Variants in PPFIA3 observed in about 807,000 individuals in gnomAD.
PPFIA3 encodes the protein liprin-alpha-3.
In PPFIA3, 26 loss-of-function variants were observed where a neutral mutation model predicts 145.8. The ratio of observed to expected loss-of-function variants is 0.18; its 90% CI spans 0.13 to 0.25. The LOEUF is 0.25. Among genes scored for constraint, PPFIA3 ranks in the 10% least tolerant of loss-of-function variants. The pLI, the probability that PPFIA3 is intolerant of heterozygous loss-of-function variation, is 1.00. For synonymous variants in PPFIA3, 645 were observed against 661.4 expected, an observed-to-expected ratio of 0.98 and a Z score of 0.38; for missense variants, 1,008 against 1,587.8, an observed-to-expected ratio of 0.63 and a Z score of 6.21.
chr19:49,136,509 A>C (rs1249558186), intron 14 of PPFIA3, among the ~76,000 whole-genome samples: 1 of 152,204 alleles, frequency 6.6e-6, no homozygotes, highest in Non-Finnish European at 1.5e-5. Flanking sequence ...GAATCGTTCG[A>C]ACCTGGGAGG....
chr19:49,137,628 CAAAAAAAAAAAA>C (rs3032695), intron 15 of PPFIA3, among the ~76,000 whole-genome samples: 17 of 43,784 alleles, frequency 3.9e-4, no homozygotes, highest in South Asian at 1.0e-3. Context: ...GACTCCGTGT[CAAAAAAAAAAAA>C]AAAAAAAAAA....
At position 49,130,418 on chromosome 19, in the gene PPFIA3, G is replaced by A. The variant is rs148514698; in HGVS notation, c.698G>A (p.Arg233Gln). The A allele has an allele frequency of 4.9e-5, 79 of 1,610,162 alleles. No individual in the cohort carries two copies. Among genetic ancestry groups the A allele is most frequent in the Non-Finnish European group, 6.5e-5 (77 of 1,178,594 alleles). Residue 233 changes from arginine to glutamine, a missense_variant, in exon 7 of 30, where the codon CGG (arginine) becomes CAG (glutamine). By Grantham distance (43) the Arg-to-Gln change is conservative (BLOSUM62 1). Around this residue, in one of 11 missense-constraint regions of PPFIA3, gnomAD observed 136 missense variants for 160.7 expected, o/e 0.85. Transcript: ENST00000334186. The surrounding 1 kb of genome is among the most constrained non-coding windows in gnomAD (Gnocchi z 4.5). ...NGLGPGGDSN[R>Q]RTAELEEALE... is the part of the protein sequence containing the mutation. ...CTGGGTCCTGGCGGGGATTCCAACCGGCGCACAGCAGAGCTGGAGGAGGCC... is the reference window on the plus strand; with the variant it reads ...CTGGGTCCTGGCGGGGATTCCAACCAGCGCACAGCAGAGCTGGAGGAGGCC...
intron 1 of PPFIA3, among the ~76,000 whole-genome samples, chr19:49,122,078 A>ATTTTT (rs4002359): frequency 2.3e-5 from 3 of 131,816 alleles, no homozygotes; most frequent in Non-Finnish European, 4.7e-5. Flanking sequence ...CCAGATGCCA[A>ATTTTT]TTTTTTTTTT....
rs756863571 is a variant in PPFIA3, at chr19:49,135,874, G to A, written c.1616G>A (p.Arg539Gln). 28 of 1,613,484 alleles carry A rather than the reference G, an allele frequency of 1.7e-5. No individual in the cohort carries two copies. The highest frequency in any genetic ancestry group is 4.5e-5 in the East Asian group (2 of 44,846). The change falls in exon 14 of 30, where the codon CGG (arginine) becomes CAG (glutamine). Residue 539 changes from arginine to glutamine, a missense_variant. By Grantham distance (43) the Arg-to-Gln change is conservative. This residue lies in a region of PPFIA3 where 121 missense variants were observed against 138.2 expected (regional missense o/e 0.88). Coordinates refer to ENST00000334186, the MANE Select transcript of PPFIA3 (RefSeq NM_003660.4). ...HLDPYVAGSG[R>Q]AGKRGRWSGV... ...GATCCCTATGTGGCTGGCAGTGGTC[G>A]GGCAGGCAAGAGGGGCCGCTGGTCA...
Position 49,130,076 on chromosome 19 carries a change from T to G in PPFIA3, c.657+9T>G, listed in dbSNP as rs760142905. 2.5e-6 allele frequency: 4 copies of G among 1,607,852 alleles called. No homozygotes were observed. Among genetic ancestry groups the G allele is most frequent in the Non-Finnish European group, 3.4e-6 (4 of 1,177,758 alleles). ...AGGATGGGGATGGGCAGGTGAGACA[T>G]GGAAGTCCCCTCTCCGTGAGCTCCA... On this transcript the variant is annotated intron_variant, in intron 6 of 29. Coordinates refer to ENST00000334186, the MANE Select transcript of PPFIA3 (RefSeq NM_003660.4). This position sits in a 1 kb window ranked among gnomAD's most constrained non-coding sequence, Gnocchi z 4.5.
At position 49,133,326 on chromosome 19, in the gene PPFIA3, C is replaced by G. The variant is rs773411654; in HGVS notation, c.1116C>G (p.Pro372=). 6.2e-6 allele frequency: 10 copies of G among 1,609,748 alleles called. 1 individual carries two copies. Among genetic ancestry groups the G allele is most frequent in the Middle Eastern group, 4.3e-4 (2 of 4,598 alleles). Residue 372 remains proline (P), a synonymous_variant, in exon 9 of 30, where the codon CCC becomes CCG. Coordinates refer to ENST00000334186, the MANE Select transcript of PPFIA3 (RefSeq NM_003660.4). The surrounding 1 kb of genome is among the most constrained non-coding windows in gnomAD (Gnocchi z 7.2). ...QQTLQKAETL[P]EIEAQLAQRV... ...CGCTGCAGAAAGCGGAGACCTTGCC[C>G]GAGATAGAGGCGCAGCTGGCGCAGC...
chr19:49,133,827 G>T lies in PPFIA3; in HGVS notation c.1193G>T (p.Arg398Leu). 1 of 1,613,398 alleles carries T rather than the reference G, an allele frequency of 6.2e-7. No individual in the cohort carries two copies. Among genetic ancestry groups the T allele is most frequent in the Non-Finnish European group, 8.5e-7 (1 of 1,180,024 alleles). Residue 398 changes from arginine to leucine, a missense_variant, in exon 10 of 30, where the codon CGG (arginine) becomes CTG (leucine). By Grantham distance (102) the Arg-to-Leu change is moderately radical (BLOSUM62 -2). Transcript: ENST00000334186. This position sits in a 1 kb window ranked among gnomAD's most constrained non-coding sequence, Gnocchi z 7.2. ...AEERHGNFEE[R>L]LRQLEAQLEE... ...GAACGTCATGGGAATTTTGAGGAGC[G>T]GCTTCGGCAGCTGGAGGCCCAGCTG... is the stretch of plus-strand genomic sequence containing the variant.
intron 4 of PPFIA3, among the ~76,000 whole-genome samples, 156 bp downstream of exon 4, chr19:49,129,168 C>A (rs1289684792): frequency 3.9e-5 from 6 of 152,168 alleles, no homozygotes; most frequent in Non-Finnish European, 7.3e-5. Context: ...TAGACTGGGA[C>A]CTGACTGGTT....
intron 1 of PPFIA3, among the ~76,000 whole-genome samples, chr19:49,125,932 T>G (rs1007614311): frequency 1.0e-5 from 1 of 100,400 alleles, no homozygotes. Flanking sequence ...GTATTTTTTT[T>G]GTTTTTTTTT....
In PPFIA3 at chr19:49,150,072, C is replaced by T. The variant is rs755000177; in HGVS notation, c.3527-8C>T. 2.0e-5 allele frequency: 32 copies of T among 1,607,248 alleles called. No homozygotes were observed. The Middle Eastern group carries it at 4.9e-4, about 25-fold the overall frequency. On this transcript the variant is annotated splice_polypyrimidine_tract_variant and splice_region_variant and intron_variant, in intron 28 of 29. Coordinates refer to ENST00000334186, the MANE Select transcript of PPFIA3 (RefSeq NM_003660.4). ...TCCAGGCTGAACCGCTGCTCGCTCT[C>T]CCTCCAGGCCAGACTTCTGGGAGTT... is the stretch of plus-strand genomic sequence containing the variant.
chr19:49,141,349 A>C, intron 18 of PPFIA3, 71 bp from the exon 19 acceptor site: 1 of 1,226,262 alleles, frequency 8.2e-7, no homozygotes, highest in Non-Finnish European at 1.2e-6. Context: ...CATTTTCCTC[A>C]TCACCTCCAG....
Position 49,129,992 on chromosome 19 carries a change from G to A in PPFIA3, c.583-1G>A. The stretch of plus-strand genomic sequence containing the variant: ...CTCTGATTCCCCTTTCACACTTCCA[G>A]ACTCTGAACCTTCGAGAACAGCTGT... On this transcript the variant is annotated splice_acceptor_variant, in intron 5 of 29. Coordinates refer to ENST00000334186, the MANE Select transcript of PPFIA3 (RefSeq NM_003660.4). LOFTEE classifies it high-confidence loss of function. 1 of 1,613,596 alleles carries A rather than the reference G, an allele frequency of 6.2e-7. No individual in the cohort carries two copies. Among genetic ancestry groups the A allele is most frequent in the East Asian group, 2.2e-5 (1 of 44,860 alleles).
intron 23 of PPFIA3, among the ~76,000 whole-genome samples, chr19:49,146,627 T>C (rs950394595): frequency 2.6e-5 from 4 of 152,098 alleles, no homozygotes; most frequent in African/African-American, 9.7e-5. Context: ...AGCTACACTT[T>C]GTTCTCAAGA....
intron 11 of PPFIA3, 93 bp from the exon 12 acceptor site, chr19:49,134,546 C>T (rs771199127): frequency 3.3e-6 from 4 of 1,202,622 alleles, no homozygotes; most frequent in Non-Finnish European, 4.9e-6. Context: ...CCTGGGTCCC[C>T]TCAGGCCTGT....
intron 1 of PPFIA3, among the ~76,000 whole-genome samples, chr19:49,126,732 G>T (rs12979213): frequency 0.025 from 3,747 of 152,080 alleles, 99 homozygotes; most frequent in East Asian, 0.079. Flanking sequence ...CTAATCCTGG[G>T]TCCCTTGGCC....
chr19:49,144,932 C>CTTT (rs1228634412), intron 21 of PPFIA3, among the ~76,000 whole-genome samples: 110 of 136,420 alleles, frequency 8.1e-4, no homozygotes, highest in African/African-American at 2.6e-3. Context: ...TCTTTTCTTT[C>CTTT]TTTTTTTTTT....
Position 49,149,424 on chromosome 19 carries a change from G to A in PPFIA3, c.3354+99G>A. 6.3e-7 allele frequency: 1 copy of A among 1,587,474 alleles called. No homozygotes were observed. The highest frequency in any genetic ancestry group is 8.6e-7 in the Non-Finnish European group (1 of 1,157,286). On this transcript the variant is annotated intron_variant, in intron 27 of 29. Transcript: ENST00000334186. This position sits in a 1 kb window ranked among gnomAD's most constrained non-coding sequence, Gnocchi z 5.7. ...TGACTATTAATGGTCACGGTTGGAG[G>A]CGGGGCCAGGAGAGGGGCGGGGTTA...
rs4002348 is a variant in PPFIA3, at chr19:49,140,639, C to CTTTTTTTTTTTTTTTTTTTTTTT, written c.2368+557_2368+579dup. Among the ~76,000 whole-genome samples, 6 of 63,798 alleles carry CTTTTTTTTTTTTTTTTTTTTTTT rather than the reference C, an allele frequency of 9.4e-5. 1 individual carries two copies. Among genetic ancestry groups the CTTTTTTTTTTTTTTTTTTTTTTT allele is most frequent in the Non-Finnish European group, 8.3e-5 (3 of 36,124 alleles). 41.9% of individuals were successfully genotyped at this position (63,798 alleles called of 152,430 possible). A position where few individuals can be genotyped will look rare whatever the true frequency, so the allele number is the denominator to read the frequency against. On this transcript the variant is annotated intron_variant, in intron 18 of 29. Transcript: ENST00000334186. ...GTGCTGGGATTACAGACTCATTTAC[C>CTTTTTTTTTTTTTTTTTTTTTTT]TTTTTTTTTTTTTTTTTTTTTTTTT...
chr19:49,139,706 G>C lies in PPFIA3; in HGVS notation c.2115G>C (p.Gly705=), dbSNP rs749154314. Residue 705 remains glycine, a synonymous_variant, in exon 17 of 30, where the codon GGG becomes GGC. Transcript: ENST00000334186. Reference sequence around the variant, plus strand: ...AGGAGGAAGCTGGAGCTCCACGAGGGGAGGGGCCGGCCATCCCAGGAGACA... The same window carrying C: ...AGGAGGAAGCTGGAGCTCCACGAGGCGAGGGGCCGGCCATCCCAGGAGACA... ...VPKEEAGAPR[G]EGPAIPGDTP... 2.5e-6 allele frequency: 4 copies of C among 1,611,864 alleles called. No homozygotes were observed. In the East Asian group the frequency reaches 6.7e-5, roughly 27 times the overall value.
Sources: allele counts gnomAD v4.1 joint callset (sites outside exome capture counted in the v4.1 genomes callset), GRCh38; gene constraint gnomAD v4.1.1; regional missense constraint gnomAD v4.1.1; non-coding constraint Gnocchi (gnomAD v3.1); transcripts MANE v1.5; gene names NCBI Gene and HGNC (gene_info 2026-07-23, HGNC 2026-07-21).